The following TOPAZ1 variants were observed in gnomAD, a reference collection of about 807,000 sequenced individuals.
TOPAZ1 encodes testis and ovary specific TOPAZ 1.
Under a neutral mutation model 172.2 loss-of-function variants are expected in TOPAZ1, and 66 were observed. That is an observed-to-expected ratio of 0.38 (90% confidence interval 0.31 to 0.47). TOPAZ1 has a LOEUF of 0.47. Ranked by LOEUF, TOPAZ1 falls within the 20% of genes least tolerant of loss-of-function variation. The pLI is 0.99. For synonymous variants in TOPAZ1, 681 were observed against 683.9 expected (o/e 1.00, Z 0.07); for missense variants, 1,822 against 1,972.4 (o/e 0.92, Z 1.44).
Position 44,316,578 on chromosome 3 carries a change from T to C in TOPAZ1, c.4307-4449T>C, listed in dbSNP as rs578047045. Among the ~76,000 whole-genome samples, 57 of 152,274 alleles carry C rather than the reference T, an allele frequency of 3.7e-4. 1 individual carries two copies. The highest frequency in any genetic ancestry group is 1.7e-3 in the Admixed American group (26 of 15,306). On this transcript the variant is annotated intron_variant, in intron 16 of 19. Coordinates refer to ENST00000309765, the MANE Select transcript of TOPAZ1 (RefSeq NM_001145030.2). ...CATTTTTCTTTAACTTTATGATGTT[T>C]TTTGCATTTTTTGTTTTCTTTTGCC...
rs888100240 is a variant in TOPAZ1, at chr3:44,244,854, C to A, written c.2348C>A (p.Ser783Tyr). The change falls in exon 2 of 20, where the codon TCT (serine) becomes TAT (tyrosine). Residue 783 changes from serine to tyrosine, a missense_variant. This residue lies in a region of TOPAZ1 where 1,489 missense variants were observed against 1,490.8 expected (regional missense o/e 1.00). Coordinates refer to ENST00000309765, the MANE Select transcript of TOPAZ1 (RefSeq NM_001145030.2). ...FTKQGNNSKP[S>Y]NHVSEPGNIV... Reference sequence around the variant, plus strand: ...AAGCAAGGTAACAATAGCAAACCATCTAATCACGTCTCTGAACCAGGCAAT... The same window carrying A: ...AAGCAAGGTAACAATAGCAAACCATATAATCACGTCTCTGAACCAGGCAAT... The A allele has an allele frequency of 1.9e-6, 3 of 1,551,704 alleles. No individual in the cohort carries two copies. Among genetic ancestry groups the A allele is most frequent in the Non-Finnish European group, 2.6e-6 (3 of 1,146,964 alleles).
chr3:44,274,420 A>G (rs1056937229), intron 8 of TOPAZ1, among the ~76,000 whole-genome samples: 4 of 151,838 alleles, frequency 2.6e-5, no homozygotes, highest in African/African-American at 9.7e-5. Flanking sequence ...AGAAAAGAAA[A>G]GAAAAGAAAA....
intron 2 of TOPAZ1, among the ~76,000 whole-genome samples, chr3:44,253,112 G>C (rs1699653769): frequency 6.6e-6 from 1 of 152,180 alleles, no homozygotes; most frequent in Non-Finnish European, 1.5e-5. Context: ...CTGTCATGAA[G>C]GGCTGTGAGA....
chr3:44,245,116 C>T lies in TOPAZ1; in HGVS notation c.2610C>T (p.Asp870=), dbSNP rs1270368350. 1.1e-5 allele frequency: 17 copies of T among 1,551,956 alleles called. No individual in the cohort carries two copies. The South Asian group carries it at 1.9e-4, about 17-fold the overall frequency. Residue 870 remains aspartate, a synonymous_variant, in exon 2 of 20, where the codon GAC becomes GAT. Coordinates refer to ENST00000309765, the MANE Select transcript of TOPAZ1 (RefSeq NM_001145030.2). ...TCTTAATTGATGTAATTCAAGATGA[C>T]CCAGACCTCTTTGGAGTCTCCAATG... The part of the protein sequence containing the change: ...DVLLIDVIQD[D]PDLFGVSNEG...
chr3:44,303,754 C>T (rs1700303425), intron 12 of TOPAZ1, among the ~76,000 whole-genome samples: 2 of 152,200 alleles, frequency 1.3e-5, no homozygotes, highest in South Asian at 4.1e-4. Context: ...GAAGTTTTGA[C>T]ATCCTCTGTC....
chr3:44,253,468 G>A (rs142013418), intron 2 of TOPAZ1, among the ~76,000 whole-genome samples: 1 of 152,124 alleles, frequency 6.6e-6, no homozygotes, highest in East Asian at 1.9e-4. Flanking sequence ...TCATCAGATG[G>A]GGGTGAGGCA....
intron 16 of TOPAZ1, among the ~76,000 whole-genome samples, chr3:44,315,215 GTGTGTGTGTGT>G (rs1700438875): frequency 6.6e-6 from 1 of 151,680 alleles, no homozygotes; most frequent in African/African-American, 2.4e-5. Flanking sequence ...GTGTGTGTGT[GTGTGTGTGTGT>G]GTTTATACTA....
rs144120511 is a variant in TOPAZ1 at position 44,254,386 on chromosome 3, G to A, written c.2766-582G>A. On this transcript the variant is annotated intron_variant, in intron 2 of 19. Transcript: ENST00000309765. ...CTCACGCCTGTAATCCCGGCACTTT[G>A]GGAGTCCAAGGCCAATGGATCACCT... Among the ~76,000 whole-genome samples, 314 of 152,162 alleles carry A rather than the reference G, an allele frequency of 2.1e-3. 1 individual carries two copies. Among genetic ancestry groups the A allele is most frequent in the African/African-American group, 6.4e-3 (266 of 41,496 alleles).
Position 44,243,790 on chromosome 3 carries a change from A to C in TOPAZ1, c.1284A>C (p.Thr428=). Reference sequence around the variant, plus strand: ...TTGAACCACTTTTGAAAGAAGAAACAGAGAATGCTTCAGAGCCGTTAGGTT... The same window carrying C: ...TTGAACCACTTTTGAAAGAAGAAACCGAGAATGCTTCAGAGCCGTTAGGTT... ...KTIEPLLKEE[T]ENASEPLGYE... is the part of the protein sequence containing the mutation. The change falls in exon 2 of 20, where the codon ACA becomes ACC. Residue 428 remains threonine (T), a synonymous_variant. Coordinates refer to ENST00000309765, the MANE Select transcript of TOPAZ1 (RefSeq NM_001145030.2). 1 of 1,551,792 alleles carries C rather than the reference A, an allele frequency of 6.4e-7. No homozygotes were observed.
At chr3:44,273,929 A>T (rs1268216709) in intron 8 of TOPAZ1, among the ~76,000 whole-genome samples, 1 of 152,188 alleles carries the variant, frequency 6.6e-6, no homozygotes, top group Non-Finnish European at 1.5e-5. Context: ...TATATGTCAG[A>T]TTCTGTTTCA....
chr3:44,278,120 G>A (rs1211908958), intron 8 of TOPAZ1, among the ~76,000 whole-genome samples: 2 of 152,118 alleles, frequency 1.3e-5, no homozygotes, highest in Non-Finnish European at 2.9e-5. Context: ...TGCTTTGTCT[G>A]CATTTATTGA....
At chr3:44,287,122 G>A (rs1268470745) in intron 9 of TOPAZ1, among the ~76,000 whole-genome samples, 1 of 152,166 alleles carries the variant, frequency 6.6e-6, no homozygotes, top group African/African-American at 2.4e-5. Context: ...ACGCTATGAT[G>A]TATGGGAATG....
At chr3:44,317,420 C>CA (rs1488835424) in intron 16 of TOPAZ1, among the ~76,000 whole-genome samples, 1 of 151,602 alleles carries the variant, frequency 6.6e-6, no homozygotes, top group Non-Finnish European at 1.5e-5. Context: ...GACTCGGTCT[C>CA]AAAAAAATAA....
At chr3:44,336,483 G>C (rs140561261), downstream of TOPAZ1, among the ~76,000 whole-genome samples, 623 of 152,318 alleles carry the variant, frequency 4.1e-3, 9 homozygotes, top group African/African-American at 0.014. Context: ...TTTGCCCTGG[G>C]ATCATCCACA....
chr3:44,270,752 G>A lies in TOPAZ1; in HGVS notation c.3314G>A (p.Arg1105His), dbSNP rs1441853650. 1.0e-5 allele frequency: 16 copies of A among 1,550,484 alleles called. No individual in the cohort carries two copies. Among genetic ancestry groups the A allele is most frequent in the South Asian group, 4.8e-5 (4 of 83,776 alleles). Reference sequence around the variant, plus strand: ...TGCAAATTTCATTTTAATACATTACGTGGCTGTGAGCGACCACTGTGCAAG... The same window carrying A: ...TGCAAATTTCATTTTAATACATTACATGGCTGTGAGCGACCACTGTGCAAG... ...KYCKFHFNTL[R>H]GCERPLCKFA... The change falls in exon 8 of 20, where the codon CGT (arginine) becomes CAT (histidine). Residue 1105 changes from arginine to histidine, a missense_variant. Around this residue, in one of 2 missense-constraint regions of TOPAZ1, gnomAD observed 1,489 missense variants for 1,490.8 expected, o/e 1.00. Coordinates refer to ENST00000309765, the MANE Select transcript of TOPAZ1 (RefSeq NM_001145030.2).
intron 4 of TOPAZ1, among the ~76,000 whole-genome samples, chr3:44,257,299 G>C (rs1263366174): frequency 6.6e-6 from 1 of 151,000 alleles, no homozygotes; most frequent in Non-Finnish European, 1.5e-5. Context: ...TCGGGCCACT[G>C]CACTCCAGCC....
rs1252041911 is a variant in TOPAZ1 at position 44,242,158 on chromosome 3, C to T, written c.105C>T (p.Gly35=). The change falls in exon 1 of 20, where the codon GGC becomes GGT. Residue 35 remains glycine (G), a synonymous_variant. Coordinates refer to ENST00000309765, the MANE Select transcript of TOPAZ1 (RefSeq NM_001145030.2). ...CGCCAGGGCCAGGCGCGGCGGGAGGCTGTGGCCCTGAGGCCGGGGGGTGCC... is the reference window on the plus strand; with the variant it reads ...CGCCAGGGCCAGGCGCGGCGGGAGGTTGTGGCCCTGAGGCCGGGGGGTGCC... ...RQAPGPGAAG[G]CGPEAGGCRE... 4 of 1,547,576 alleles carry T rather than the reference C, an allele frequency of 2.6e-6. No individual in the cohort carries two copies. The highest frequency in any genetic ancestry group is 1.4e-5 in the African/African-American group (1 of 72,876).
chr3:44,291,559 C>G (rs1351112586), intron 12 of TOPAZ1, among the ~76,000 whole-genome samples: 1 of 151,548 alleles, frequency 6.6e-6, no homozygotes, highest in African/African-American at 2.4e-5. Flanking sequence ...CGAGATCGCA[C>G]CACTACCTGG....
chr3:44,306,452 C>T lies in TOPAZ1; in HGVS notation c.4140+26C>T, dbSNP rs751501582. The T allele has an allele frequency of 9.8e-5, 136 of 1,388,146 alleles. 1 individual carries two copies. The highest frequency in any genetic ancestry group is 1.0e-4 in the Non-Finnish European group (101 of 1,007,152). The allele number at this position is 1,388,146 out of a possible 1,614,324, so 86.0% of individuals were successfully genotyped here. On this transcript the variant is annotated intron_variant, in intron 15 of 19. Transcript: ENST00000309765. ...GTACTTCATTAAGTTTTTGTCTTGGCTTGGTATAGAGACTACTAGTTTTAA... is the reference window on the plus strand; with the variant it reads ...GTACTTCATTAAGTTTTTGTCTTGGTTTGGTATAGAGACTACTAGTTTTAA...
Sources: gnomAD v4.1 joint callset for allele counts (sites outside exome capture counted in the v4.1 genomes callset) on GRCh38, gnomAD v4.1.1 for gene constraint, gnomAD v4.1.1 regional missense constraint, MANE v1.5 for transcripts, NCBI Gene and HGNC (gene_info 2026-07-23, HGNC 2026-07-21) for gene names.